SCLT1: variants seen among roughly 807,000 people sequenced by gnomAD.
The protein encoded by SCLT1 is sodium channel-associated protein 1.
A neutral mutation model predicts 112.8 loss-of-function variants in SCLT1; 78 were observed. The observed-to-expected ratio is 0.69, with a 90% CI of 0.58 to 0.83. The LOEUF (loss-of-function observed/expected upper bound fraction) is 0.83. SCLT1 is among the 40% of genes least tolerant of loss of function. SCLT1 has a pLI of 0.00. For missense variants in SCLT1, 747 were observed against 770.4 expected (o/e 0.97, Z 0.36); for synonymous variants, 257 against 254.7 (o/e 1.01, Z -0.09).
rs573656676 is a variant in SCLT1, at chr4:128,937,505, A to G, written c.1633-654T>C. ...TGATTTCTGTTGCCAGAATCCAAGG[A>G]AAGTGTTGATGCTGTTGGTATCTGA... On this transcript the variant is annotated intron_variant, in intron 17 of 20. Coordinates refer to ENST00000281142, the MANE Select transcript of SCLT1 (RefSeq NM_144643.4). Among the ~76,000 whole-genome samples the G allele has an allele frequency of 2.0e-4, 31 of 152,306 alleles. 1 individual carries two copies. The highest frequency in any genetic ancestry group is 3.4e-3 in the Middle Eastern group (1 of 294).
rs547608583 is a variant in SCLT1 at position 128,878,242 on chromosome 4, A to G, written n.226-1606T>C. Among the ~76,000 whole-genome samples the G allele has an allele frequency of 1.7e-3, 254 of 152,344 alleles. 7 individuals carry two copies. The highest frequency in any genetic ancestry group is 4.6e-3 in the South Asian group (22 of 4,832). On this transcript the variant is annotated intron_variant and non_coding_transcript_variant, in intron 3 of 7. Coordinates refer to the SCLT1 transcript ENST00000503565. Reference sequence around the variant, plus strand: ...AAAAATAATGTGTATTGTCATTCCTAATGTATCGCCAATGTGTCCTGATAT... The same window carrying G: ...AAAAATAATGTGTATTGTCATTCCTGATGTATCGCCAATGTGTCCTGATAT...
intron 9 of SCLT1, among the ~76,000 whole-genome samples, chr4:128,976,958 T>A (rs1413343919): frequency 6.6e-6 from 1 of 152,090 alleles, no homozygotes; most frequent in Non-Finnish European, 1.5e-5. Context: ...TAAAGGCAAA[T>A]GGGAAACTGT....
At chr4:128,957,923 AC>A (rs1739354464) in intron 12 of SCLT1, among the ~76,000 whole-genome samples, 2 of 152,136 alleles carry the variant, frequency 1.3e-5, no homozygotes, top group Admixed American at 6.6e-5. Context: ...TCTTCAGTCT[AC>A]ATTGCTGATT....
At chr4:128,875,440 C>A (rs1394113981) in intron 4 of SCLT1, among the ~76,000 whole-genome samples, 1 of 152,028 alleles carries the variant, frequency 6.6e-6, no homozygotes, top group Non-Finnish European at 1.5e-5. Context: ...TTAGTCTTCC[C>A]CACCTGGAGT....
intron 18 of SCLT1, among the ~76,000 whole-genome samples, chr4:128,936,442 A>C (rs1441986501): frequency 6.6e-6 from 1 of 152,202 alleles, no homozygotes; most frequent in Non-Finnish European, 1.5e-5. Flanking sequence ...AAACTATTAC[A>C]TTTTCTGAAA....
intron 2 of SCLT1, among the ~76,000 whole-genome samples, chr4:129,079,843 G>C (rs770111092): frequency 6.6e-5 from 10 of 152,228 alleles, no homozygotes; most frequent in Non-Finnish European, 1.5e-4. Context: ...GGACATCCAG[G>C]CATTTCCATA....
rs746196883 is a variant in SCLT1 at position 128,884,518 on chromosome 4, T to C, written c.2026A>G (p.Arg676Gly). ...TTCATCAGGGAGGCTGCTTTTCTTC[T>C]CTGCACTGTAATCACACTGAGCTGC... ...SQQLSVITVQ[R>G]RKAASLMNLE... The change falls in exon 21 of 21, where the codon AGA becomes GGA. Residue 676 changes from arginine to glycine, a missense_variant. This residue lies in a region of SCLT1 where 24 missense variants were observed against 49.1 expected (regional missense o/e 0.49). Transcript: ENST00000281142. 6.2e-7 allele frequency: 1 copy of C among 1,603,880 alleles called. No homozygotes were observed. Among genetic ancestry groups the C allele is most frequent in the African/African-American group, 1.3e-5 (1 of 74,718 alleles).
chr4:128,914,676 A>T (rs957851631), intron 18 of SCLT1, among the ~76,000 whole-genome samples: 15 of 152,272 alleles, frequency 9.9e-5, no homozygotes, highest in African/African-American at 3.4e-4. Context: ...CTGACTATAG[A>T]GGTGCACAAA....
intron 18 of SCLT1, among the ~76,000 whole-genome samples, chr4:128,914,367 A>G (rs1735322536): frequency 6.6e-6 from 1 of 152,144 alleles, no homozygotes; most frequent in South Asian, 2.1e-4. Context: ...CCGTCTCAAA[A>G]AAAAAAAGAA....
intron 9 of SCLT1, among the ~76,000 whole-genome samples, chr4:128,984,753 AT>A (rs1741946820): frequency 6.6e-6 from 1 of 151,996 alleles, no homozygotes; most frequent in Non-Finnish European, 1.5e-5. Context: ...GTAAAGTTGA[AT>A]TTTTACACTA....
In SCLT1 at chr4:128,948,520, T is replaced by A; in HGVS notation, c.1269A>T (p.Lys423Asn). 6.2e-7 allele frequency: 1 copy of A among 1,600,682 alleles called. No homozygotes were observed. Among genetic ancestry groups the A allele is most frequent in the Non-Finnish European group, 8.5e-7 (1 of 1,170,430 alleles). The change falls in exon 15 of 21, where the codon AAA becomes AAT. Residue 423 changes from lysine (K) to asparagine (N), a missense_variant. Around this residue, in one of 2 missense-constraint regions of SCLT1, gnomAD observed 723 missense variants for 721.3 expected, o/e 1.00. Transcript: ENST00000281142. The stretch of plus-strand genomic sequence containing the variant: ...CCTTTTCTAGTTCTTCTTCCACTGC[T>A]TTTTTTTCCTTAATGACTCGTTCAA... Reference protein sequence around the residue: ...GQIERVIKEKKAVEEELEKIY... With the variant: ...GQIERVIKEKNAVEEELEKIY...
At chr4:128,936,457 C>A (rs927522296) in intron 18 of SCLT1, among the ~76,000 whole-genome samples, 198 bp downstream of exon 18, 10 of 152,096 alleles carry the variant, frequency 6.6e-5, no homozygotes, top group Non-Finnish European at 1.2e-4. Context: ...CTGAAACATG[C>A]ATGAAATTTG....
rs146164789 is a variant in SCLT1, at chr4:128,949,216, TG to T, written c.1219-647del. On this transcript the variant is annotated intron_variant, in intron 14 of 20. Transcript: ENST00000281142. ...TGGAGAATGGGTAATGTGTATGGCT[TG>T]TTTTTTTTTTTTTTTTTTCGTGAGA... Among the ~76,000 whole-genome samples, 21 of 150,370 alleles carry T rather than the reference TG, an allele frequency of 1.4e-4. 1 individual carries two copies. The highest frequency in any genetic ancestry group is 3.9e-4 in the East Asian group (2 of 5,130).
rs1432766804 is a variant in SCLT1 at position 128,946,020 on chromosome 4, G to A, written c.1426C>T (p.Gln476Ter). The change falls in exon 16 of 21, where the codon CAA becomes TAA. Residue 476 changes from glutamine (Q) to a stop codon, truncating the protein, a stop_gained. Coordinates refer to ENST00000281142, the MANE Select transcript of SCLT1 (RefSeq NM_144643.4). LOFTEE classifies it high-confidence loss of function. ...RLTRAENRIK[Q>*]LETDSSEEIS... is the part of the protein sequence containing the mutation. ...AGAAAAACTTACTCAGTTTCAAGTTGTTTTATTCTATTTTCTGCTCTCGTA... is the reference window on the plus strand; with the variant it reads ...AGAAAAACTTACTCAGTTTCAAGTTATTTTATTCTATTTTCTGCTCTCGTA... The A allele has an allele frequency of 6.2e-7, 1 of 1,604,752 alleles. No homozygotes were observed. The highest frequency in any genetic ancestry group is 8.5e-7 in the Non-Finnish European group (1 of 1,174,260).
chr4:128,945,451 ATCTT>A (rs1184352745), intron 16 of SCLT1, among the ~76,000 whole-genome samples: 2 of 152,196 alleles, frequency 1.3e-5, no homozygotes, highest in East Asian at 1.9e-4. Context: ...ACTAAAAAAA[ATCTT>A]TATTAATTTA....
At chr4:128,993,213 C>T (rs1285243993) in intron 8 of SCLT1, among the ~76,000 whole-genome samples, 3 of 151,976 alleles carry the variant, frequency 2.0e-5, no homozygotes, top group Non-Finnish European at 4.4e-5. Context: ...TGTTTCCTTT[C>T]TGTACTTTGA....
chr4:128,996,927 T>C (rs549957296), intron 8 of SCLT1, among the ~76,000 whole-genome samples: 3 of 152,070 alleles, frequency 2.0e-5, no homozygotes, highest in South Asian at 2.1e-4. Flanking sequence ...AGGAGACATA[T>C]TGAAGAAGTA....
chr4:128,984,255 C>T (rs1453327606), intron 9 of SCLT1, among the ~76,000 whole-genome samples: 11 of 152,270 alleles, frequency 7.2e-5, no homozygotes, highest in Admixed American at 3.3e-4. Flanking sequence ...ATCTACTCAT[C>T]ATACTTTTTT....
intron 2 of SCLT1, among the ~76,000 whole-genome samples, chr4:129,055,953 G>A (rs1749345504): frequency 6.6e-6 from 1 of 152,192 alleles, no homozygotes; most frequent in African/African-American, 2.4e-5. Context: ...GGAATCTCCT[G>A]ATCTGCAGAT....
Sources: gnomAD v4.1 joint callset for allele counts (sites outside exome capture counted in the v4.1 genomes callset) on GRCh38, gnomAD v4.1.1 for gene constraint, gnomAD v4.1.1 regional missense constraint, MANE v1.5 for transcripts, NCBI Gene and HGNC (gene_info 2026-07-23, HGNC 2026-07-21) for gene names.